Variants in HSPA14 observed in about 807,000 individuals in gnomAD.
The protein encoded by HSPA14 is heat shock 70 kDa protein 14.
Under a neutral mutation model 65.5 loss-of-function variants are expected in HSPA14, and 37 were observed. The observed-to-expected ratio is 0.56, with a 90% CI of 0.43 to 0.74. The LOEUF is 0.74. Ranked by LOEUF, HSPA14 falls within the 30% of genes least tolerant of loss-of-function variation. The probability of loss-of-function intolerance (pLI) is 0.00; values close to 1 mark genes in which losing one functional copy is unlikely to be tolerated. For missense variants in HSPA14, 564 were observed against 607.6 expected (o/e 0.93, Z 0.75); for synonymous variants, 203 against 214.2 (o/e 0.95, Z 0.46).
chr10:14,870,521 C>G (rs1287706164), intron 12 of HSPA14, 76 bp from the exon 13 acceptor site: 1 of 1,485,338 alleles, frequency 6.7e-7, no homozygotes, highest in East Asian at 2.5e-5. Flanking sequence ...AAGCTTTGGT[C>G]CTTTGCAATA....
At chr10:14,845,648 C>A in intron 3 of HSPA14, 1 of 580,336 alleles carries the variant, frequency 1.7e-6, no homozygotes, top group Non-Finnish European at 2.2e-6. Context: ...GGCTGGGGTG[C>A]AGTGGTGCAA....
At chr10:14,869,969 G>A (rs1046227104) in intron 12 of HSPA14, among the ~76,000 whole-genome samples, 3 of 152,216 alleles carry the variant, frequency 2.0e-5, no homozygotes, top group African/African-American at 7.2e-5. Flanking sequence ...TTTTACAAAT[G>A]AGTAAAACAA....
At chr10:14,869,651 A>G (rs549078275) in intron 12 of HSPA14, among the ~76,000 whole-genome samples, 4 of 152,310 alleles carry the variant, frequency 2.6e-5, no homozygotes, top group South Asian at 2.1e-4. Context: ...CATGCATAAC[A>G]TGCCTGGGCT....
intron 5 of HSPA14, 53 bp downstream of exon 5, chr10:14,848,948 A>G: frequency 1.0e-6 from 1 of 988,370 alleles, no homozygotes; most frequent in East Asian, 2.4e-5. Flanking sequence ...TTGAAAGTTG[A>G]CCTTAAAAAA....
intron 1 of HSPA14, among the ~76,000 whole-genome samples, chr10:14,839,067 G>A (rs1194243585): frequency 6.6e-6 from 1 of 152,232 alleles, no homozygotes; most frequent in Non-Finnish European, 1.5e-5. Context: ...GTCCCGCAAA[G>A]CTGCCTGGCT....
chr10:14,859,930 C>G (rs9787671), intron 10 of HSPA14, among the ~76,000 whole-genome samples: 29,819 of 151,962 alleles, frequency 0.2, 3,044 homozygotes, highest in East Asian at 0.27. Flanking sequence ...TTTTTTGACA[C>G]AGTTGCATTG....
chr10:14,838,721 C>T (rs909299667), intron 1 of HSPA14: 1 of 475,022 alleles, frequency 2.1e-6, no homozygotes, highest in Admixed American at 4.0e-5. Context: ...GGCGGGATGC[C>T]CGGAGGGGTC....
At position 14,866,401 on chromosome 10, in the gene HSPA14, G is replaced by A. The variant is rs191838162; in HGVS notation, c.994-682G>A. Among the ~76,000 whole-genome samples, 5 of 152,272 alleles carry A rather than the reference G, an allele frequency of 3.3e-5. No homozygotes were observed. In the East Asian group the frequency reaches 5.8e-4, roughly 18 times the overall value. On this transcript the variant is annotated intron_variant, in intron 10 of 13. Coordinates refer to ENST00000378372, the MANE Select transcript of HSPA14 (RefSeq NM_016299.4). ...ATCATCCGTAAAGACTGTGAAATAG[G>A]AAGTGGCTATTGATTTCCCTTCTTA...
intron 10 of HSPA14, among the ~76,000 whole-genome samples, chr10:14,857,290 G>A (rs946335392): frequency 1.3e-5 from 2 of 151,974 alleles, no homozygotes; most frequent in Non-Finnish European, 2.9e-5. Flanking sequence ...AGAGTAGATT[G>A]CCAAAGTAAA....
intron 12 of HSPA14, 30 bp downstream of exon 12, chr10:14,867,939 T>C (rs1465951496): frequency 6.4e-7 from 1 of 1,559,732 alleles, no homozygotes; most frequent in African/African-American, 1.4e-5. Flanking sequence ...CACATTAAAC[T>C]GTTCAACTTT....
chr10:14,849,404 G>C (rs1381225318), intron 5 of HSPA14: 4 of 512,612 alleles, frequency 7.8e-6, no homozygotes, highest in Non-Finnish European at 1.6e-5. Context: ...CTAACATTAT[G>C]ACGTTGTGTC....
rs113159466 is a variant in HSPA14, at chr10:14,846,552, A to G, written c.222-2057A>G. The G allele has an allele frequency of 1.3e-3, 1,280 of 985,098 alleles. 13 individuals carry two copies. The African/African-American group carries it at 0.02, about 16-fold the overall frequency. The allele number at this position is 985,098 out of a possible 1,614,324, so 61.0% of individuals were successfully genotyped here. A position where few individuals can be genotyped will look rare whatever the true frequency, so the allele number is the denominator to read the frequency against. On this transcript the variant is annotated intron_variant, in intron 3 of 13. Coordinates refer to ENST00000378372, the MANE Select transcript of HSPA14 (RefSeq NM_016299.4). ...AAGAAAGCAAGCCAGGAATCTGCCT[A>G]TGTGGTAGACCCAACCATTACTACT...
intron 1 of HSPA14, 28 bp downstream of exon 1, chr10:14,838,487 C>T (rs1226271044): frequency 6.3e-7 from 1 of 1,575,664 alleles, no homozygotes. Flanking sequence ...TGGGCTAGGG[C>T]TTCATGACGG....
chr10:14,842,280 C>T lies in HSPA14; in HGVS notation c.221+2123C>T. ...AAGCTGCCTAGCCCTCCTTTCCAACCCACAATGGCCAGTGCCAATAGCAGT... is the reference window on the plus strand; with the variant it reads ...AAGCTGCCTAGCCCTCCTTTCCAACTCACAATGGCCAGTGCCAATAGCAGT... On this transcript the variant is annotated intron_variant, in intron 3 of 13. Coordinates refer to ENST00000378372, the MANE Select transcript of HSPA14 (RefSeq NM_016299.4). This position sits in a 1 kb window ranked among gnomAD's most constrained non-coding sequence, Gnocchi z 5.2. The T allele has an allele frequency of 6.5e-7, 1 of 1,534,942 alleles. No homozygotes were observed. The highest frequency in any genetic ancestry group is 8.7e-7 in the Non-Finnish European group (1 of 1,145,938).
intron 7 of HSPA14, among the ~76,000 whole-genome samples, chr10:14,851,666 A>G (rs1834109584): frequency 6.6e-6 from 1 of 152,220 alleles, no homozygotes; most frequent in Non-Finnish European, 1.5e-5. Flanking sequence ...GATAATAGGT[A>G]CTGTTATATA....
Position 14,839,857 on chromosome 10 carries a change from G to A in HSPA14, c.58-48G>A, listed in dbSNP as rs201370069. On this transcript the variant is annotated intron_variant, in intron 1 of 13. Coordinates refer to ENST00000378372, the MANE Select transcript of HSPA14 (RefSeq NM_016299.4). ...GTAACACTGGTGCACAAATGCACAC[G>A]TCTGAATACGTCTAATGAGACTATG... The A allele has an allele frequency of 1.8e-4, 247 of 1,402,284 alleles. 1 individual carries two copies. Among genetic ancestry groups the A allele is most frequent in the Non-Finnish European group, 1.8e-4 (184 of 996,154 alleles). The allele number at this position is 1,402,284 out of a possible 1,614,324, so 86.9% of individuals were successfully genotyped here. A position where few individuals can be genotyped will look rare whatever the true frequency, so the allele number is the denominator to read the frequency against.
chr10:14,853,221 G>A (rs1260261608), intron 8 of HSPA14, among the ~76,000 whole-genome samples: 4 of 152,150 alleles, frequency 2.6e-5, no homozygotes, highest in Non-Finnish European at 5.9e-5. Context: ...CAAAGATGTT[G>A]TTTAAATGAA....
intron 3 of HSPA14, 84 bp downstream of exon 3, chr10:14,840,241 C>G: frequency 1.5e-6 from 1 of 649,698 alleles, no homozygotes; most frequent in Non-Finnish European, 2.3e-6. Flanking sequence ...AAATTAGAAA[C>G]AGCATAGTTT....
intron 3 of HSPA14, chr10:14,845,473 C>A: frequency 2.0e-6 from 2 of 985,314 alleles, no homozygotes; most frequent in Non-Finnish European, 2.4e-6. Context: ...TCTGCCAAGC[C>A]AGGGATGGAG....
Sources: allele counts gnomAD v4.1 joint callset (sites outside exome capture counted in the v4.1 genomes callset), GRCh38; gene constraint gnomAD v4.1.1; non-coding constraint Gnocchi (gnomAD v3.1); transcripts MANE v1.5; gene names NCBI Gene and HGNC (gene_info 2026-07-23, HGNC 2026-07-21).